C10orf90: variants seen among roughly 807,000 people sequenced by gnomAD.
C10orf90 encodes chromosome 10 open reading frame 90, also known as (E2-independent) E3 ubiquitin-conjugating enzyme FATS.
Under a neutral mutation model 62.5 loss-of-function variants are expected in C10orf90, and 56 were observed. That is an observed-to-expected ratio of 0.90 (90% CI 0.72 to 1.12). The LOEUF is 1.12. Ranked by LOEUF, C10orf90 falls within the 50% of genes most tolerant of loss-of-function variation. The pLI, the probability that C10orf90 is intolerant of heterozygous loss-of-function variation, is 0.00. For missense variants in C10orf90, 970 were observed against 880.4 expected (o/e 1.10, Z -1.29); for synonymous variants, 386 against 340.4 (o/e 1.13, Z -1.47).
rs2576011 is a variant in C10orf90 at position 126,623,766 on chromosome 10, A to T, written c.313+22799T>A. The stretch of plus-strand genomic sequence containing the variant: ...TGAGGCAGGAGAATTGCTTGAACCC[A>T]GTAGGCAGAGGTTGCAGTGAGCAGA... On this transcript the variant is annotated intron_variant, in intron 2 of 9. Coordinates refer to ENST00000488181, the MANE Select transcript of C10orf90 (RefSeq NM_001350921.2). Among the ~76,000 whole-genome samples the T allele has an allele frequency of 4.9e-3, 735 of 150,060 alleles. 3 individuals carry two copies. The highest frequency in any genetic ancestry group is 8.4e-3 in the Non-Finnish European group (565 of 67,654).
chr10:126,665,598 C>T (rs1032789788), intron 1 of C10orf90, among the ~76,000 whole-genome samples: 1 of 152,102 alleles, frequency 6.6e-6, no homozygotes, highest in Non-Finnish European at 1.5e-5. Flanking sequence ...CAGACAACCG[C>T]TAGGAAACAA....
rs771729156 is a variant in C10orf90, at chr10:126,503,968, C to T, written c.1523G>A (p.Ser508Asn). The T allele has an allele frequency of 6.2e-7, 1 of 1,610,444 alleles. No individual in the cohort carries two copies. Among genetic ancestry groups the T allele is most frequent in the South Asian group, 1.1e-5 (1 of 90,582 alleles). The change falls in exon 4 of 10, where the codon AGT (serine) becomes AAT (asparagine). Residue 508 changes from serine to asparagine, a missense_variant. Coordinates refer to ENST00000488181, the MANE Select transcript of C10orf90 (RefSeq NM_001350921.2). ...NQLSIHIPGW[S>N]YRAVHTKVFS... ...GACGCACCACTCACCTGCCCTGTAA[C>T]TCCAGCCAGGAATGTGAATGGACAG...
At chr10:126,445,523 G>A (rs938586600) in intron 7 of C10orf90, among the ~76,000 whole-genome samples, 4 of 152,024 alleles carry the variant, frequency 2.6e-5, no homozygotes, top group African/African-American at 9.7e-5. Context: ...AGTAGATGTT[G>A]GCGTGGATGC....
intron 2 of C10orf90, among the ~76,000 whole-genome samples, chr10:126,571,029 A>T (rs1844494379): frequency 6.6e-6 from 1 of 152,190 alleles, no homozygotes; most frequent in African/African-American, 2.4e-5. Flanking sequence ...CCACAGCTTT[A>T]TCTACTTCCA....
In C10orf90 at chr10:126,553,922, C is replaced by T. The variant is rs531534277; in HGVS notation, c.314-39983G>A. Among the ~76,000 whole-genome samples the T allele has an allele frequency of 5.3e-5, 8 of 152,162 alleles. No homozygotes were observed. The South Asian group carries it at 1.0e-3, about 20-fold the overall frequency. On this transcript the variant is annotated intron_variant, in intron 2 of 9. Coordinates refer to ENST00000488181, the MANE Select transcript of C10orf90 (RefSeq NM_001350921.2). ...ATACATTGCTAGTGTGAAGCTAAGGCGATACAGCCACTTTGGAAAACTGCT... is the reference window on the plus strand; with the variant it reads ...ATACATTGCTAGTGTGAAGCTAAGGTGATACAGCCACTTTGGAAAACTGCT...
rs552271593 is a variant in C10orf90, at chr10:126,600,135, C to T, written c.313+46430G>A. On this transcript the variant is annotated intron_variant, in intron 2 of 9. Coordinates refer to ENST00000488181, the MANE Select transcript of C10orf90 (RefSeq NM_001350921.2). ...TGCGTGTGCACGCAGGTGTGTGCAT[C>T]GCATGTGTGTGCACAAGTGTGTGCG... Among the ~76,000 whole-genome samples, 16 of 152,194 alleles carry T rather than the reference C, an allele frequency of 1.1e-4. No individual in the cohort carries two copies. In the South Asian group the frequency reaches 1.5e-3, roughly 14 times the overall value.
At chr10:126,662,830 GTGTAGA>G (rs1846545027) in intron 1 of C10orf90, among the ~76,000 whole-genome samples, 5 of 147,464 alleles carry the variant, frequency 3.4e-5, no homozygotes, top group African/African-American at 1.3e-4. Context: ...TCCACAATCT[GTGTAGA>G]CACCCTGGCC....
chr10:126,590,226 C>T (rs767794786), intron 2 of C10orf90, among the ~76,000 whole-genome samples: 2 of 152,112 alleles, frequency 1.3e-5, no homozygotes, highest in Non-Finnish European at 2.9e-5. Flanking sequence ...CTTAGACTCC[C>T]ACACAATAAT....
chr10:126,543,351 G>T (rs1221676627), intron 2 of C10orf90, among the ~76,000 whole-genome samples: 1 of 152,170 alleles, frequency 6.6e-6, no homozygotes, highest in African/African-American at 2.4e-5. Flanking sequence ...AAAGGTTATC[G>T]AGAGGAGCAA....
chr10:126,470,059 G>GA (rs1564815113), intron 4 of C10orf90: 1 of 455,968 alleles, frequency 2.2e-6, no homozygotes. Flanking sequence ...GAGAAGGAGG[G>GA]AAGGTGTTCT....
intron 7 of C10orf90, among the ~76,000 whole-genome samples, chr10:126,436,934 T>C (rs1857961809): frequency 6.6e-6 from 1 of 152,130 alleles, no homozygotes; most frequent in South Asian, 2.1e-4. Flanking sequence ...AAAATGCTGG[T>C]ATTACAGGTA....
In C10orf90 at chr10:126,565,093, T is replaced by TTATATTACATATTATGTA. The variant is rs2133994396; in HGVS notation, c.314-51155_314-51154insTACATAATATGTAATATA. On this transcript the variant is annotated intron_variant, in intron 2 of 9. Coordinates refer to ENST00000488181, the MANE Select transcript of C10orf90 (RefSeq NM_001350921.2). Reference sequence around the variant, plus strand: ...TATATATAATATATAAAATATATATTATATAATATATAAAATATATATTAT... The same window carrying TTATATTACATATTATGTA: ...TATATATAATATATAAAATATATATTTATATTACATATTATGTAATATAATATATAAAATATATATTAT... Among the ~76,000 whole-genome samples the TTATATTACATATTATGTA allele has an allele frequency of 1.7e-4, 2 of 11,702 alleles. 1 individual carries two copies. Among genetic ancestry groups the TTATATTACATATTATGTA allele is most frequent in the Non-Finnish European group, 3.6e-4 (2 of 5,498 alleles). 7.7% of individuals were successfully genotyped at this position (11,702 alleles called of 152,430 possible).
chr10:126,528,950 T>C (rs1269246697), intron 2 of C10orf90, among the ~76,000 whole-genome samples: 2 of 152,082 alleles, frequency 1.3e-5, no homozygotes, highest in Admixed American at 1.3e-4. Context: ...CTATCAGATA[T>C]CAAAACTTAT....
chr10:126,444,428 G>T (rs1858605145), intron 7 of C10orf90, among the ~76,000 whole-genome samples: 1 of 151,854 alleles, frequency 6.6e-6, no homozygotes, highest in African/African-American at 2.4e-5. Flanking sequence ...TACAATAGCT[G>T]CAAAAGAAGT....
chr10:126,649,071 T>TCCCC (rs1163113188), intron 1 of C10orf90, among the ~76,000 whole-genome samples: 11 of 40,782 alleles, frequency 2.7e-4, no homozygotes, highest in East Asian at 9.4e-4. Context: ...TCTCTCTCTC[T>TCCCC]CCCCCCCCCC....
chr10:126,652,594 C>T (rs1846312839), intron 1 of C10orf90, among the ~76,000 whole-genome samples: 1 of 152,236 alleles, frequency 6.6e-6, no homozygotes, highest in Non-Finnish European at 1.5e-5. Context: ...AGAGCGTTCA[C>T]TCTTCATTTT....
chr10:126,490,075 A>G (rs1252385242), intron 4 of C10orf90, among the ~76,000 whole-genome samples: 2 of 114,618 alleles, frequency 1.7e-5, no homozygotes, highest in African/African-American at 6.7e-5. Flanking sequence ...TATAATATAT[A>G]ATATAATAAT....
intron 2 of C10orf90, among the ~76,000 whole-genome samples, chr10:126,609,680 C>T (rs142801236): frequency 3.3e-5 from 5 of 152,270 alleles, no homozygotes; most frequent in Non-Finnish European, 5.9e-5. Context: ...ACAGGAGGGC[C>T]TTAGGAGCAG....
chr10:126,542,716 C>A (rs1383327594), intron 2 of C10orf90, among the ~76,000 whole-genome samples: 1 of 152,112 alleles, frequency 6.6e-6, no homozygotes. Flanking sequence ...CACACACACA[C>A]CCCTATAAAA....
Sources: gnomAD v4.1 joint callset for allele counts (sites outside exome capture counted in the v4.1 genomes callset) on GRCh38, gnomAD v4.1.1 for gene constraint, MANE v1.5 for transcripts, NCBI Gene and HGNC (gene_info 2026-07-23, HGNC 2026-07-21) for gene names.